The following ADGRG6 variants were observed in gnomAD, a reference collection of about 807,000 sequenced individuals.
ADGRG6 encodes the protein G-protein coupled receptor 126.
ADGRG6 carries 84 observed loss-of-function variants against 142.4 expected under a neutral mutation model. The ratio of observed to expected loss-of-function variants is 0.59; its 90% CI spans 0.49 to 0.71. The LOEUF is 0.71. Ranked by LOEUF, ADGRG6 falls within the 30% of genes least tolerant of loss-of-function variation. The pLI is 0.00. For synonymous variants in ADGRG6, 521 were observed against 520.5 expected (o/e 1.00, Z -0.01); for missense variants, 1,367 against 1,466.6 (o/e 0.93, Z 1.11).
At chr6:142,430,863 C>T (rs1230652746) in intron 22 of ADGRG6, among the ~76,000 whole-genome samples, 1 of 152,158 alleles carries the variant, frequency 6.6e-6, no homozygotes, top group Non-Finnish European at 1.5e-5. Flanking sequence ...CACCATCTTC[C>T]TTCACTATAT....
At chr6:142,425,850 T>C (rs1464453329) in intron 22 of ADGRG6, among the ~76,000 whole-genome samples, 1 of 152,178 alleles carries the variant, frequency 6.6e-6, no homozygotes, top group Admixed American at 6.5e-5. Context: ...TCAAATCTTA[T>C]GTAGGTGGCG....
intron 4 of ADGRG6, among the ~76,000 whole-genome samples, chr6:142,373,933 A>T (rs1210337890): frequency 7.5e-6 from 1 of 133,456 alleles, no homozygotes; most frequent in Non-Finnish European, 1.5e-5. Flanking sequence ...TGTTGCCCAG[A>T]CTGGCCTCAA....
chr6:142,435,438 T>G (rs1004389029), intron 22 of ADGRG6, among the ~76,000 whole-genome samples: 1 of 152,148 alleles, frequency 6.6e-6, no homozygotes, highest in Non-Finnish European at 1.5e-5. Context: ...TTTCAGAAAC[T>G]TTTTCCTTAA....
intron 18 of ADGRG6, 81 bp from the exon 19 acceptor site, chr6:142,414,888 A>C: frequency 8.1e-7 from 1 of 1,232,386 alleles, no homozygotes; most frequent in Non-Finnish European, 1.1e-6. Context: ...CTCTAATGTT[A>C]ACAGTGAACT....
At chr6:142,323,090 A>G (rs995579595) in intron 2 of ADGRG6, among the ~76,000 whole-genome samples, 7 of 150,224 alleles carry the variant, frequency 4.7e-5, no homozygotes, top group Non-Finnish European at 8.8e-5. Context: ...AGCACCTGCT[A>G]TATCTGTACC....
intron 2 of ADGRG6, among the ~76,000 whole-genome samples, chr6:142,344,775 G>C (rs1044944926): frequency 6.6e-6 from 1 of 151,932 alleles, no homozygotes; most frequent in Non-Finnish European, 1.5e-5. Context: ...TTGCAGAAGA[G>C]ATACACAGAC....
chr6:142,307,913 A>G (rs1325730192), intron 1 of ADGRG6, among the ~76,000 whole-genome samples: 3 of 152,074 alleles, frequency 2.0e-5, no homozygotes, highest in Admixed American at 6.6e-5. Flanking sequence ...GAATACTAAA[A>G]CATGGCTTGA....
chr6:142,372,601 A>G (rs1370485635), intron 4 of ADGRG6, among the ~76,000 whole-genome samples: 1 of 152,068 alleles, frequency 6.6e-6, no homozygotes, highest in Non-Finnish European at 1.5e-5. Flanking sequence ...ATAAACCACA[A>G]CCCTGTTCCA....
At position 142,422,772 on chromosome 6, in the gene ADGRG6, G is replaced by A. The variant is rs1424122923; in HGVS notation, c.3319+2668G>A. Among the ~76,000 whole-genome samples, 7 of 147,506 alleles carry A rather than the reference G, an allele frequency of 4.7e-5. No individual in the cohort carries two copies. The East Asian group carries it at 1.4e-3, about 29-fold the overall frequency. On this transcript the variant is annotated intron_variant, in intron 22 of 24. Coordinates refer to ENST00000367609, the MANE Select transcript of ADGRG6 (RefSeq NM_198569.3). ...TCCACAGTGGTTGAACTAGTTTACA[G>A]TCCCACCAACAGTGTAAAAGTGTTC...
At chr6:142,333,427 T>C (rs1779160708) in intron 2 of ADGRG6, among the ~76,000 whole-genome samples, 1 of 152,186 alleles carries the variant, frequency 6.6e-6, no homozygotes, top group Non-Finnish European at 1.5e-5. Flanking sequence ...TATCAGCTTG[T>C]TTTTCTTATT....
chr6:142,391,166 A>AT lies in ADGRG6; in HGVS notation c.1308+829dup, dbSNP rs1421976290. On this transcript the variant is annotated intron_variant, in intron 7 of 24. Coordinates refer to ENST00000367609, the MANE Select transcript of ADGRG6 (RefSeq NM_198569.3). ...TTTTTCTTACAAATACAACACATGG[A>AT]TTTTTTCATTTTCTTCTTCACAATA... Among the ~76,000 whole-genome samples, 11 of 151,650 alleles carry AT rather than the reference A, an allele frequency of 7.3e-5. No individual in the cohort carries two copies. In the South Asian group the frequency reaches 2.3e-3, roughly 31 times the overall value.
intron 2 of ADGRG6, among the ~76,000 whole-genome samples, chr6:142,318,143 T>TATATATTATATATTATATATTTATATAAG (rs1778269295): frequency 2.2e-5 from 1 of 45,720 alleles, no homozygotes; most frequent in African/African-American, 8.7e-5. Context: ...ATTTATATAA[T>TATATATTATATATTATATATTTATATAAG]ATATATTATA....
At chr6:142,309,745 C>CA in intron 2 of ADGRG6, 101 bp downstream of exon 2, 2 of 527,218 alleles carry the variant, frequency 3.8e-6, no homozygotes, top group Non-Finnish European at 6.0e-6. Flanking sequence ...TACTTACTGC[C>CA]TTTTTTTTTT....
intron 2 of ADGRG6, among the ~76,000 whole-genome samples, chr6:142,317,643 TTG>T (rs1465508834): frequency 7.2e-6 from 1 of 139,784 alleles, no homozygotes; most frequent in African/African-American, 2.7e-5. Flanking sequence ...GTGTGTGTAT[TTG>T]GGTGTATATT....
At chr6:142,342,632 A>C (rs1362422109) in intron 2 of ADGRG6, among the ~76,000 whole-genome samples, 3 of 152,106 alleles carry the variant, frequency 2.0e-5, no homozygotes, top group Non-Finnish European at 2.9e-5. Context: ...CGAGGCTGAC[A>C]GTAGCATTCC....
At chr6:142,385,034 A>G (rs1441920835) in intron 6 of ADGRG6, among the ~76,000 whole-genome samples, 2 of 152,024 alleles carry the variant, frequency 1.3e-5, no homozygotes, top group Non-Finnish European at 2.9e-5. Flanking sequence ...AGATGGGAAT[A>G]TTATAATTCT....
rs993402358 is a variant in ADGRG6, at chr6:142,408,329, G to A, written c.2388+60G>A. ...GTGGACTATTTAATATACTAGTGGG[G>A]CCTTTTTTTCTACATGTTAAAAAGT... is the stretch of plus-strand genomic sequence containing the variant. On this transcript the variant is annotated intron_variant, in intron 16 of 24. Transcript: ENST00000367609. The A allele has an allele frequency of 1.1e-5, 14 of 1,319,180 alleles. No individual in the cohort carries two copies. The African/African-American group carries it at 1.5e-4, about 14-fold the overall frequency. 81.7% of individuals were successfully genotyped at this position (1,319,180 alleles called of 1,614,324 possible). A position where few individuals can be genotyped will look rare whatever the true frequency, so the allele number is the denominator to read the frequency against.
chr6:142,412,292 A>G (rs1361634170), intron 18 of ADGRG6, among the ~76,000 whole-genome samples: 2 of 152,176 alleles, frequency 1.3e-5, no homozygotes, highest in Non-Finnish European at 2.9e-5. Flanking sequence ...GGACCAAACC[A>G]CATTTGTTTT....
Position 142,314,449 on chromosome 6 carries a change from A to G in ADGRG6, c.103+4805A>G, listed in dbSNP as rs542320548. Among the ~76,000 whole-genome samples, 172 of 152,316 alleles carry G rather than the reference A, an allele frequency of 1.1e-3. 2 individuals carry two copies. Among genetic ancestry groups the G allele is most frequent in the Non-Finnish European group, 2.1e-3 (146 of 68,028 alleles). ...GAGGGTTGGTAAACAGAGAATATTT[A>G]GACGAGGCACACCAGCATACTGATG... On this transcript the variant is annotated intron_variant, in intron 2 of 24. Coordinates refer to ENST00000367609, the MANE Select transcript of ADGRG6 (RefSeq NM_198569.3).
Sources: allele counts gnomAD v4.1 joint callset (sites outside exome capture counted in the v4.1 genomes callset), GRCh38; gene constraint gnomAD v4.1.1; transcripts MANE v1.5; gene names NCBI Gene and HGNC (gene_info 2026-07-23, HGNC 2026-07-21).